The following NYAP2 variants were observed in gnomAD, a reference collection of about 807,000 sequenced individuals.
The protein encoded by NYAP2 is neuronal tyrosine-phosphorylated phosphoinositide-3-kinase adapter 2.
NYAP2 carries 23 observed loss-of-function variants against 50.4 expected under a neutral mutation model. That is an observed-to-expected ratio of 0.46 (90% CI 0.33 to 0.65). The LOEUF is 0.65. Ranked by LOEUF, NYAP2 falls within the 30% of genes least tolerant of loss-of-function variation. NYAP2 has a pLI of 0.02. For missense variants in NYAP2, 885 were observed against 861.0 expected (o/e 1.03, Z -0.35); for synonymous variants, 394 against 365.2 (o/e 1.08, Z -0.90).
chr2:225,702,011 AT>A, the NYAP2 span: 1 of 151,784 alleles, frequency 6.6e-6, no homozygotes, highest in Non-Finnish European at 1.5e-5. Flanking sequence ...TACAAATGCA[AT>A]TTTAATATCA....
the NYAP2 span, among the ~76,000 whole-genome samples, chr2:225,673,911 C>G: frequency 6.6e-6 from 1 of 152,120 alleles, no homozygotes; most frequent in Non-Finnish European, 1.5e-5. Context: ...CTCTGTTTCC[C>G]TTTTATCTTG....
intron 6 of NYAP2, among the ~76,000 whole-genome samples, chr2:225,639,063 G>GAAA (rs57481799): frequency 6.7e-6 from 1 of 150,216 alleles, no homozygotes. Context: ...TCATCAAAGT[G>GAAA]AAAAAAAAAA....
chr2:225,677,346 A>C, the NYAP2 span, among the ~76,000 whole-genome samples: 35 of 152,236 alleles, frequency 2.3e-4, no homozygotes, highest in African/African-American at 8.2e-4. Flanking sequence ...ATAGAATCAT[A>C]TCTTTGGCAA....
intron 4 of NYAP2, among the ~76,000 whole-genome samples, chr2:225,521,418 G>C (rs1344983854): frequency 6.6e-6 from 1 of 150,832 alleles, no homozygotes; most frequent in Non-Finnish European, 1.5e-5. Context: ...GTTTGTCATA[G>C]ATAGCTCTTA....
At chr2:225,645,076 A>T (rs947601392) in intron 6 of NYAP2, among the ~76,000 whole-genome samples, 1 of 152,132 alleles carries the variant, frequency 6.6e-6, no homozygotes, top group Admixed American at 6.5e-5. Flanking sequence ...CTTGGCCAAC[A>T]TGGTGAAACC....
intron 5 of NYAP2, among the ~76,000 whole-genome samples, chr2:225,626,454 T>A (rs1474028420): frequency 1.3e-5 from 2 of 152,038 alleles, no homozygotes; most frequent in Non-Finnish European, 2.9e-5. Flanking sequence ...GCCAAGAGAA[T>A]TGAAAATATA....
At chr2:225,670,909 G>T in the NYAP2 span, among the ~76,000 whole-genome samples, 9 of 151,958 alleles carry the variant, frequency 5.9e-5, no homozygotes, top group Admixed American at 4.6e-4. Flanking sequence ...TGTAAACATT[G>T]TGTCTAAACA....
chr2:225,699,458 C>A, the NYAP2 span: 1 of 151,838 alleles, frequency 6.6e-6, no homozygotes, highest in Non-Finnish European at 1.5e-5. Context: ...ATTGTAGCCA[C>A]CATAATCACT....
intron 4 of NYAP2, among the ~76,000 whole-genome samples, chr2:225,524,634 G>A (rs1190928785): frequency 1.3e-5 from 2 of 152,124 alleles, no homozygotes; most frequent in Non-Finnish European, 2.9e-5. Flanking sequence ...AAGACCTGAA[G>A]CTATACAAGT....
At chr2:225,494,546 A>T (rs1256437076) in intron 3 of NYAP2, among the ~76,000 whole-genome samples, 1 of 152,218 alleles carries the variant, frequency 6.6e-6, no homozygotes, top group Non-Finnish European at 1.5e-5. Flanking sequence ...AAAAGAAGAT[A>T]CCAGATATCA....
chr2:225,513,289 AT>A, intron 3 of NYAP2, 81 bp from the exon 4 acceptor site: 1 of 1,254,326 alleles, frequency 8.0e-7, no homozygotes, highest in East Asian at 2.4e-5. Flanking sequence ...AATTTTCCCT[AT>A]TAGTAATATT....
chr2:225,547,308 C>T (rs1161950111), intron 4 of NYAP2, among the ~76,000 whole-genome samples: 1 of 152,208 alleles, frequency 6.6e-6, no homozygotes, highest in Non-Finnish European at 1.5e-5. Flanking sequence ...CCCCCTTGGA[C>T]ACCCCGGCTT....
intron 5 of NYAP2, among the ~76,000 whole-genome samples, chr2:225,601,954 C>T (rs1239694056): frequency 6.6e-6 from 1 of 152,192 alleles, no homozygotes; most frequent in Non-Finnish European, 1.5e-5. Flanking sequence ...ATTGTCAAAT[C>T]CAAATGCAGT....
rs570101969 is a variant in NYAP2, at chr2:225,615,558, TA to T, written c.1619-11358del. ...AATTTGTTATTATTTGCAACTATTT[TA>T]TGGAGAACTGTTGTGTATAAGTCAG... On this transcript the variant is annotated intron_variant, in intron 5 of 6. Coordinates refer to ENST00000636099, the Ensembl canonical transcript of NYAP2. 6.6e-5 allele frequency among the ~76,000 whole-genome samples: 10 copies of T among 152,334 alleles called. No homozygotes were observed. The East Asian group carries it at 1.9e-3, about 29-fold the overall frequency.
intron 3 of NYAP2, among the ~76,000 whole-genome samples, chr2:225,475,974 A>G (rs1181406535): frequency 2.0e-5 from 3 of 152,238 alleles, no homozygotes; most frequent in African/African-American, 4.8e-5. Flanking sequence ...TTTCCAATAA[A>G]TAAGTGGAGT....
At chr2:225,424,424 C>T (rs941621048) in intron 3 of NYAP2, among the ~76,000 whole-genome samples, 2 of 151,902 alleles carry the variant, frequency 1.3e-5, no homozygotes, top group African/African-American at 4.8e-5. Context: ...TAAGAAGAGT[C>T]ATCCATTTTA....
intron 5 of NYAP2, among the ~76,000 whole-genome samples, chr2:225,598,026 A>T (rs1284423957): frequency 6.6e-6 from 1 of 152,150 alleles, no homozygotes; most frequent in Non-Finnish European, 1.5e-5. Flanking sequence ...GGTTAGGAGC[A>T]TAAAGAATTG....
intron 5 of NYAP2, among the ~76,000 whole-genome samples, chr2:225,623,119 C>G (rs1308336505): frequency 6.6e-6 from 1 of 152,132 alleles, no homozygotes; most frequent in African/African-American, 2.4e-5. Flanking sequence ...AACCTGAAAT[C>G]TTTCTGAGAC....
rs190404828 is a variant in NYAP2 at position 225,580,883 on chromosome 2, G to A, written c.524-1058G>A. On this transcript the variant is annotated intron_variant, in intron 4 of 6. Coordinates refer to ENST00000636099, the Ensembl canonical transcript of NYAP2. ...AAGTTGTACTGTCAACTCACTATAT[G>A]CTACTATCTTCTGTAAGCAACCACA... Among the ~76,000 whole-genome samples, 286 of 152,156 alleles carry A rather than the reference G, an allele frequency of 1.9e-3. 2 individuals are homozygous for A. The highest frequency in any genetic ancestry group is 3.2e-3 in the Admixed American group (49 of 15,280).
Sources: gnomAD v4.1 joint callset for allele counts (sites outside exome capture counted in the v4.1 genomes callset) on GRCh38, gnomAD v4.1.1 for gene constraint, MANE v1.5 for transcripts, NCBI Gene and HGNC (gene_info 2026-07-23, HGNC 2026-07-21) for gene names.